Variants in WWOX observed in about 807,000 individuals in gnomAD.
WWOX encodes WW domain containing oxidoreductase.
A neutral mutation model predicts 46.2 loss-of-function variants in WWOX; 69 were observed. That is an observed-to-expected ratio of 1.49 (90% CI 1.23 to 1.82). The LOEUF (loss-of-function observed/expected upper bound fraction) is 1.82. WWOX is among the 40% of genes most tolerant of loss of function. The pLI is 0.00. For missense variants in WWOX, 919 were observed against 542.6 expected, an observed-to-expected ratio of 1.69 and a Z score of -6.89; for synonymous variants, 359 against 202.6, an observed-to-expected ratio of 1.77 and a Z score of -6.56.
intron 5 of WWOX, among the ~76,000 whole-genome samples, chr16:78,206,068 G>C (rs1440047913): frequency 6.6e-6 from 1 of 151,690 alleles, no homozygotes; most frequent in Admixed American, 6.6e-5. Flanking sequence ...ACGATTAATG[G>C]AAGAAGAGAA....
chr16:78,447,418 A>G (rs1030433208), intron 8 of WWOX, among the ~76,000 whole-genome samples: 1 of 152,254 alleles, frequency 6.6e-6, no homozygotes, highest in Non-Finnish European at 1.5e-5. Context: ...CCTTTTACAG[A>G]CAAGGACACT....
At chr16:78,232,563 CTACAGATTTTGGGTCAAGA>C (rs1436635029) in intron 5 of WWOX, among the ~76,000 whole-genome samples, 9 of 152,058 alleles carry the variant, frequency 5.9e-5, no homozygotes, top group African/African-American at 2.2e-4. Context: ...ATCCTTGTTT[CTACAGATTTTGGGTCAAGA>C]TAAGAAAAAT....
chr16:79,071,698 G>A (rs535540781), intron 8 of WWOX, among the ~76,000 whole-genome samples: 11 of 152,300 alleles, frequency 7.2e-5, no homozygotes, highest in African/African-American at 2.4e-4. Flanking sequence ...TCCCCTTCAC[G>A]TTGTAAACGT....
chr16:78,289,003 G>A (rs149355790), intron 5 of WWOX, among the ~76,000 whole-genome samples: 12 of 152,272 alleles, frequency 7.9e-5, no homozygotes, highest in African/African-American at 2.9e-4. Context: ...GGAAGGTTCT[G>A]CTTTTCTCAC....
chr16:78,526,715 G>A (rs1225881592), intron 8 of WWOX, among the ~76,000 whole-genome samples: 2 of 152,174 alleles, frequency 1.3e-5, no homozygotes, highest in African/African-American at 4.8e-5. Flanking sequence ...GCTGACCTGT[G>A]ACCATCTCCA....
At chr16:78,220,359 G>C (rs1000644638) in intron 5 of WWOX, among the ~76,000 whole-genome samples, 1 of 151,984 alleles carries the variant, frequency 6.6e-6, no homozygotes, top group Non-Finnish European at 1.5e-5. Flanking sequence ...TTCCGAGCAA[G>C]TTTTATTTAT....
chr16:78,411,402 T>G (rs889617977), intron 6 of WWOX, among the ~76,000 whole-genome samples: 2 of 152,120 alleles, frequency 1.3e-5, no homozygotes, highest in East Asian at 3.9e-4. Flanking sequence ...TGAAATAATA[T>G]TTGAGCAAAA....
intron 5 of WWOX, among the ~76,000 whole-genome samples, chr16:78,227,792 G>A (rs905474251): frequency 7.2e-5 from 11 of 152,100 alleles, no homozygotes; most frequent in African/African-American, 2.2e-4. Flanking sequence ...CAGGAGAATC[G>A]CTTGAACTCG....
At chr16:79,188,618 C>T (rs993063857) in intron 8 of WWOX, among the ~76,000 whole-genome samples, 1 of 152,204 alleles carries the variant, frequency 6.6e-6, no homozygotes, top group Non-Finnish European at 1.5e-5. Flanking sequence ...CAATTCATTT[C>T]TTCTGAGCCA....
chr16:78,741,274 A>G (rs904624660), intron 8 of WWOX, among the ~76,000 whole-genome samples: 4 of 152,186 alleles, frequency 2.6e-5, no homozygotes, highest in Admixed American at 2.6e-4. Flanking sequence ...AAATTGCAGG[A>G]TGCTGGTCAG....
chr16:79,122,121 C>T (rs1319115001), intron 8 of WWOX, among the ~76,000 whole-genome samples: 4 of 152,168 alleles, frequency 2.6e-5, no homozygotes, highest in Admixed American at 6.5e-5. Context: ...GCTGTTCCAC[C>T]TCGGAGCGCG....
intron 8 of WWOX, chr16:78,892,405 A>AATGG (rs1260157342): frequency 2.6e-5 from 4 of 152,200 alleles, no homozygotes; most frequent in Non-Finnish European, 5.9e-5. Flanking sequence ...TTAATACTCT[A>AATGG]ATGAGGGAAA....
chr16:78,985,135 G>C (rs1397222329), intron 8 of WWOX, among the ~76,000 whole-genome samples: 3 of 152,186 alleles, frequency 2.0e-5, no homozygotes, highest in African/African-American at 7.2e-5. Flanking sequence ...CTGAATTGCA[G>C]ATGGCTTTAG....
chr16:78,437,765 G>C (rs945183189), intron 8 of WWOX, among the ~76,000 whole-genome samples: 2 of 152,152 alleles, frequency 1.3e-5, no homozygotes, highest in Non-Finnish European at 2.9e-5. Context: ...ATATGTTAAA[G>C]GAAACTAACA....
chr16:78,993,066 T>C (rs1469640840), intron 8 of WWOX, among the ~76,000 whole-genome samples: 4 of 152,174 alleles, frequency 2.6e-5, no homozygotes, highest in Non-Finnish European at 5.9e-5. Context: ...TAAATGCACA[T>C]TTTCCCCTTC....
chr16:78,256,791 C>G lies in WWOX; in HGVS notation c.516+92502C>G, dbSNP rs966887419. On this transcript the variant is annotated intron_variant, in intron 5 of 8. Coordinates refer to ENST00000566780, the MANE Select transcript of WWOX (RefSeq NM_016373.4). The stretch of plus-strand genomic sequence containing the variant: ...TGGTAGTAGATTGCCTCAGACGCCC[C>G]CCTTTAGAATCACACAAGCTGTCAT... 2.0e-5 allele frequency among the ~76,000 whole-genome samples: 3 copies of G among 152,118 alleles called. No homozygotes were observed. The East Asian group carries it at 5.8e-4, about 29-fold the overall frequency.
At chr16:78,751,690 A>C (rs1567535757) in intron 8 of WWOX, among the ~76,000 whole-genome samples, 1 of 151,824 alleles carries the variant, frequency 6.6e-6, no homozygotes, top group South Asian at 2.1e-4. Context: ...GAGTTAAAAA[A>C]TACGTAGGTT....
chr16:78,439,919 TTGCA>T (rs1197409095), intron 8 of WWOX, among the ~76,000 whole-genome samples: 8 of 152,222 alleles, frequency 5.3e-5, no homozygotes, highest in Admixed American at 1.3e-4. Context: ...AGGCTCCTCA[TTGCA>T]TGCCTTTTTC....
intron 8 of WWOX, among the ~76,000 whole-genome samples, chr16:78,860,377 C>G (rs936870784): frequency 2.0e-5 from 3 of 152,162 alleles, no homozygotes; most frequent in African/African-American, 7.2e-5. Flanking sequence ...CTGAGCACCT[C>G]CCATTCACTA....
Sources: allele counts gnomAD v4.1 joint callset (sites outside exome capture counted in the v4.1 genomes callset), GRCh38; gene constraint gnomAD v4.1.1; transcripts MANE v1.5; gene names NCBI Gene and HGNC (gene_info 2026-07-23, HGNC 2026-07-21).